Variants in LIMCH1 observed in about 807,000 individuals in gnomAD.
LIMCH1 encodes LIM and calponin homology domains-containing protein 1.
Under a neutral mutation model 176.5 loss-of-function variants are expected in LIMCH1, and 113 were observed. The ratio of observed to expected loss-of-function variants is 0.64; its 90% CI spans 0.55 to 0.75. The LOEUF is 0.75. LIMCH1 is among the 30% of genes least tolerant of loss of function. The pLI is 0.00. For synonymous variants in LIMCH1, 619 were observed against 645.9 expected (o/e 0.96, Z 0.63); for missense variants, 1,674 against 1,814.9 (o/e 0.92, Z 1.41).
In LIMCH1 at chr4:41,682,461, G is replaced by A; in HGVS notation, c.3845+1G>A. 1.2e-6 allele frequency: 2 copies of A among 1,612,086 alleles called. No individual in the cohort carries two copies. The highest frequency in any genetic ancestry group is 1.7e-6 in the Non-Finnish European group (2 of 1,178,836). Reference sequence around the variant, plus strand: ...GTGATCGACTGGAGGAGAAGGGCAGGTATGAGCCCATCCCAAGCCACCATG... The same window carrying A: ...GTGATCGACTGGAGGAGAAGGGCAGATATGAGCCCATCCCAAGCCACCATG... On this transcript the variant is annotated splice_donor_variant, in intron 26 of 31. Transcript: ENST00000503057. LOFTEE classifies it high-confidence loss of function.
chr4:41,564,127 G>C (rs2082407822), intron 1 of LIMCH1, among the ~76,000 whole-genome samples: 2 of 152,152 alleles, frequency 1.3e-5, no homozygotes, highest in South Asian at 4.1e-4. Flanking sequence ...TATGTACTTT[G>C]TATGTTATTT....
At chr4:41,399,895 G>A (rs1348624137) in intron 1 of LIMCH1, among the ~76,000 whole-genome samples, 1 of 144,290 alleles carries the variant, frequency 6.9e-6, no homozygotes. Flanking sequence ...TGTTGGCCAG[G>A]ATGGTCTTGA....
chr4:41,665,229 T>C (rs2094781387), intron 20 of LIMCH1, among the ~76,000 whole-genome samples: 1 of 152,212 alleles, frequency 6.6e-6, no homozygotes. Flanking sequence ...GCTTACCTTT[T>C]TACATAGCGG....
chr4:41,689,868 G>GT (rs778403590), intron 30 of LIMCH1: 3 of 383,272 alleles, frequency 7.8e-6, no homozygotes, highest in Non-Finnish European at 1.5e-5. Flanking sequence ...AACAGTTTTT[G>GT]TTGCTAAAGA....
intron 31 of LIMCH1, chr4:41,692,644 A>G (rs894844220): frequency 2.8e-6 from 1 of 353,100 alleles, no homozygotes; most frequent in Non-Finnish European, 5.3e-6. Context: ...TGAGCTCACT[A>G]CAGAGATTTT....
intron 1 of LIMCH1, among the ~76,000 whole-genome samples, chr4:41,408,328 AC>A (rs1394824410): frequency 6.6e-6 from 1 of 152,052 alleles, no homozygotes; most frequent in Non-Finnish European, 1.5e-5. Context: ...CCTGAGAAAT[AC>A]TCATGTGAAC....
At chr4:41,686,695 C>T (rs1560386495) in intron 28 of LIMCH1, among the ~76,000 whole-genome samples, 1 of 152,162 alleles carries the variant, frequency 6.6e-6, no homozygotes, top group East Asian at 1.9e-4. Flanking sequence ...ATAGTCCCTA[C>T]CTCATAGGGT....
intron 1 of LIMCH1, among the ~76,000 whole-genome samples, chr4:41,583,162 G>T (rs1189138405): frequency 1.3e-5 from 2 of 152,144 alleles, no homozygotes; most frequent in African/African-American, 4.8e-5. Context: ...CTTAGGGCTA[G>T]GTTGTGAGAA....
intron 18 of LIMCH1, among the ~76,000 whole-genome samples, chr4:41,653,404 C>T (rs1013853283): frequency 1.3e-5 from 2 of 151,682 alleles, no homozygotes; most frequent in Admixed American, 6.6e-5. Context: ...CAGGAGGCTG[C>T]ACTTCAGGGC....
In LIMCH1 at chr4:41,586,763, G is replaced by A. The variant is rs774442152; in HGVS notation, c.-240-12157G>A. On this transcript the variant is annotated intron_variant, in intron 1 of 31. Coordinates refer to ENST00000503057, the MANE Select transcript of LIMCH1 (RefSeq NM_001330672.2). ...GGAATCCAGACAGTTTTCCTGATAG[G>A]CTGCACTGTGGTATTGCCCCTCAAA... Among the ~76,000 whole-genome samples, 16 of 152,130 alleles carry A rather than the reference G, an allele frequency of 1.1e-4. 1 individual carries two copies.
intron 1 of LIMCH1, among the ~76,000 whole-genome samples, chr4:41,374,442 C>T (rs2054428875): frequency 6.6e-6 from 1 of 152,136 alleles, no homozygotes; most frequent in African/African-American, 2.4e-5. Flanking sequence ...TGGTATTGCT[C>T]TGACATGATA....
chr4:41,618,461 A>G (rs970416331), intron 5 of LIMCH1, among the ~76,000 whole-genome samples: 1 of 152,210 alleles, frequency 6.6e-6, no homozygotes, highest in Non-Finnish European at 1.5e-5. Flanking sequence ...AAAGGCAATG[A>G]CATAATAACT....
At chr4:41,588,041 C>A (rs528380118) in intron 1 of LIMCH1, among the ~76,000 whole-genome samples, 1 of 151,944 alleles carries the variant, frequency 6.6e-6, no homozygotes, top group African/African-American at 2.4e-5. Flanking sequence ...CCCATTAACT[C>A]GTCAATTAGC....
chr4:41,384,911 A>G (rs975766060), intron 1 of LIMCH1, among the ~76,000 whole-genome samples: 1 of 152,200 alleles, frequency 6.6e-6, no homozygotes, highest in Non-Finnish European at 1.5e-5. Flanking sequence ...GAAATCTAGG[A>G]ATTTAAGAAA....
At chr4:41,547,536 A>G (rs1339050374) in intron 1 of LIMCH1, among the ~76,000 whole-genome samples, 1 of 150,534 alleles carries the variant, frequency 6.6e-6, no homozygotes, top group Non-Finnish European at 1.5e-5. Flanking sequence ...GCATTTTTTC[A>G]TCTGTAAAAT....
intron 1 of LIMCH1, among the ~76,000 whole-genome samples, chr4:41,573,875 A>C (rs2083975162): frequency 6.6e-6 from 1 of 152,174 alleles, no homozygotes; most frequent in Non-Finnish European, 1.5e-5. Flanking sequence ...GAGATACTGG[A>C]TTATAAAAGC....
At chr4:41,437,177 A>T (rs112280482) in intron 1 of LIMCH1, among the ~76,000 whole-genome samples, 2 of 152,238 alleles carry the variant, frequency 1.3e-5, no homozygotes, top group African/African-American at 4.8e-5. Context: ...AGTAGTGCTG[A>T]TCGGCTGCCT....
At chr4:41,636,213 A>G (rs59329003) in intron 13 of LIMCH1, among the ~76,000 whole-genome samples, 2,059 of 152,032 alleles carry the variant, frequency 0.014, 87 homozygotes, top group Admixed American at 0.08. Context: ...CCTGGCCTCA[A>G]AATTAAACTT....
At chr4:41,387,348 C>A (rs1473039956) in intron 1 of LIMCH1, among the ~76,000 whole-genome samples, 3 of 152,138 alleles carry the variant, frequency 2.0e-5, no homozygotes, top group Non-Finnish European at 4.4e-5. Flanking sequence ...CATATGCTTT[C>A]TATTTTAAAG....
Sources: gnomAD v4.1 joint callset for allele counts (sites outside exome capture counted in the v4.1 genomes callset) on GRCh38, gnomAD v4.1.1 for gene constraint, MANE v1.5 for transcripts, NCBI Gene and HGNC (gene_info 2026-07-23, HGNC 2026-07-21) for gene names.